Variants in SNRNP27 observed in about 807,000 individuals in gnomAD.
SNRNP27 encodes small nuclear ribonucleoprotein U4/U6.U5 subunit 27.
A neutral mutation model predicts 25.1 loss-of-function variants in SNRNP27; 22 were observed. That is an observed-to-expected ratio of 0.88 (90% CI 0.63 to 1.25). The LOEUF is 1.25. Ranked by LOEUF, SNRNP27 falls within the 50% of genes most tolerant of loss-of-function variation. The probability of loss-of-function intolerance (pLI) is 0.00; values close to 1 mark genes in which losing one functional copy is unlikely to be tolerated. For synonymous variants in SNRNP27, 66 were observed against 64.9 expected, an observed-to-expected ratio of 1.02 and a Z score of -0.08; for missense variants, 150 against 202.3, an observed-to-expected ratio of 0.74 and a Z score of 1.57.
At chr2:69,896,332 G>T in intron 2 of SNRNP27, 104 bp from the exon 3 acceptor site, 1 of 1,093,576 alleles carries the variant, frequency 9.1e-7, no homozygotes. Context: ...TTGCTATACG[G>T]AATGACTCGT....
rs1466186589 is a variant in SNRNP27 at position 69,896,453 on chromosome 2, G to A, written c.173G>A (p.Arg58Lys). 5.0e-6 allele frequency: 8 copies of A among 1,612,056 alleles called. No individual in the cohort carries two copies. The highest frequency in any genetic ancestry group is 6.8e-6 in the Non-Finnish European group (8 of 1,179,168). Residue 58 changes from arginine to lysine, a missense_variant, in exon 3 of 6, where the codon AGA (arginine) becomes AAA (lysine). Physicochemically the swap from Arg to Lys is conservative, Grantham distance 26. Around this residue, in one of 2 missense-constraint regions of SNRNP27, gnomAD observed 142 missense variants for 168.6 expected, o/e 0.84. Transcript: ENST00000244227. ...RRRSRSPRRH[R>K]STSPSPSRLK... ...AATATTAGATCTCCAAGACGACATAGATCCACATCTCCTTCCCCTTCTCGA... is the reference window on the plus strand; with the variant it reads ...AATATTAGATCTCCAAGACGACATAAATCCACATCTCCTTCCCCTTCTCGA...
Position 69,904,647 on chromosome 2 carries a change from A to C in SNRNP27, c.*339A>C. 2.3e-6 allele frequency: 1 copy of C among 439,540 alleles called. No individual in the cohort carries two copies. The highest frequency in any genetic ancestry group is 4.0e-6 in the Non-Finnish European group (1 of 251,214). 27.2% of individuals were successfully genotyped at this position (439,540 alleles called of 1,614,324 possible). A position where few individuals can be genotyped will look rare whatever the true frequency, so the allele number is the denominator to read the frequency against. On this transcript the variant is annotated 3_prime_UTR_variant, in exon 6 of 6. Transcript: ENST00000244227. ...AGTAATTTGGAAGTAAGTTTATCCA[A>C]TAAAGCAGTATTTCTACCCTTTTAG...
rs1472744458 is a variant in SNRNP27, at chr2:69,901,245, T to C, written c.349-1936T>C. ...GGCACAGTTAACATTTTTCAGCAGTTAGAGAAGAGGGCACTTCCTGGCACC... is the reference window on the plus strand; with the variant it reads ...GGCACAGTTAACATTTTTCAGCAGTCAGAGAAGAGGGCACTTCCTGGCACC... On this transcript the variant is annotated intron_variant, in intron 4 of 5. Coordinates refer to ENST00000244227, the MANE Select transcript of SNRNP27 (RefSeq NM_006857.3). Among the ~76,000 whole-genome samples, 3 of 151,894 alleles carry C rather than the reference T, an allele frequency of 2.0e-5. No homozygotes were observed. In the East Asian group the frequency reaches 5.8e-4, roughly 29 times the overall value.
chr2:69,895,273 G>A (rs2104112101), intron 2 of SNRNP27, 59 bp downstream of exon 2: 1 of 1,588,680 alleles, frequency 6.3e-7, no homozygotes, highest in Admixed American at 1.8e-5. Flanking sequence ...GAAACTGGTC[G>A]CAGCTCTTAA....
At chr2:69,895,626 C>CGCCTCCCCTGCAATCTCT (rs1676587551) in intron 2 of SNRNP27, among the ~76,000 whole-genome samples, 1 of 152,144 alleles carries the variant, frequency 6.6e-6, no homozygotes, top group Admixed American at 6.5e-5. Context: ...CTGCAACCTC[C>CGCCTCCCCTGCAATCTCT]GCCTCCCCTG....
rs1676551135 is a variant in SNRNP27, at chr2:69,893,963, T to C, written c.-22T>C. 1 of 1,613,792 alleles carries C rather than the reference T, an allele frequency of 6.2e-7. No individual in the cohort carries two copies. Among genetic ancestry groups the C allele is most frequent in the Non-Finnish European group, 8.5e-7 (1 of 1,179,730 alleles). On this transcript the variant is annotated 5_prime_UTR_variant, in exon 1 of 6. Coordinates refer to ENST00000244227, the MANE Select transcript of SNRNP27 (RefSeq NM_006857.3). ...CCTCCCGGAAGTTGTTGCACAGTTG[T>C]TTCCGGGAAGCGGGACTCCAAATGG...
Position 69,895,196 on chromosome 2 carries a change from C to CG in SNRNP27, c.138dup (p.His47AlafsTer12), listed in dbSNP as rs1676578650. ...CGGAGAAGGAGCCGCTCGCGATCCCCGCACCGAAGACGCTCCCGGTAAGGG... is the reference window on the plus strand; with the variant it reads ...CGGAGAAGGAGCCGCTCGCGATCCCCGGCACCGAAGACGCTCCCGGTAAGGG... On this transcript the variant is annotated frameshift_variant, in exon 2 of 6. Transcript: ENST00000244227. LOFTEE classifies it high-confidence loss of function. The CG allele has an allele frequency of 6.2e-7, 1 of 1,613,956 alleles. No individual in the cohort carries two copies. Among genetic ancestry groups the CG allele is most frequent in the African/African-American group, 1.3e-5 (1 of 74,930 alleles).
intron 4 of SNRNP27, among the ~76,000 whole-genome samples, chr2:69,902,462 C>T (rs887383657): frequency 1.3e-5 from 2 of 151,912 alleles, no homozygotes; most frequent in Non-Finnish European, 2.9e-5. Flanking sequence ...GCTTCTTCTT[C>T]GGCTTCTGCT....
At chr2:69,900,228 T>C (rs181289719) in intron 4 of SNRNP27, among the ~76,000 whole-genome samples, 2 of 152,344 alleles carry the variant, frequency 1.3e-5, no homozygotes, top group Non-Finnish European at 2.9e-5. Flanking sequence ...CTAGATGGTT[T>C]CAAAGTTTGG....
Position 69,904,726 on chromosome 2 carries a change from T to C in SNRNP27, c.*418T>C, listed in dbSNP as rs1014168874. 1 of 211,012 alleles carries C rather than the reference T, an allele frequency of 4.7e-6. No individual in the cohort carries two copies. The highest frequency in any genetic ancestry group is 9.3e-6 in the Non-Finnish European group (1 of 107,262). 13.1% of individuals were successfully genotyped at this position (211,012 alleles called of 1,614,324 possible). On this transcript the variant is annotated 3_prime_UTR_variant, in exon 6 of 6. Coordinates refer to ENST00000244227, the MANE Select transcript of SNRNP27 (RefSeq NM_006857.3). Reference sequence around the variant, plus strand: ...ATCTCCCCAGACATTTTCTTTTTTTTTTCACACATAGATTTAAGTATCTTG... The same window carrying C: ...ATCTCCCCAGACATTTTCTTTTTTTCTTCACACATAGATTTAAGTATCTTG...
chr2:69,900,674 G>A (rs1396273561), intron 4 of SNRNP27, among the ~76,000 whole-genome samples: 3 of 152,160 alleles, frequency 2.0e-5, no homozygotes, highest in Non-Finnish European at 2.9e-5. Context: ...AGTAGTAATG[G>A]GAGAGGGAGG....
chr2:69,897,385 T>G lies in SNRNP27; in HGVS notation c.277T>G (p.Leu93Val), dbSNP rs1410621134. The stretch of plus-strand genomic sequence containing the variant: ...ATTATTCTTTTTTGCAGAGGAAGAC[T>G]TAGAGGGCAAAACAGAGGAAGAAAT... The part of the protein sequence containing the change: ...SKERQITEED[L>V]EGKTEEEIEM... The change falls in exon 4 of 6, where the codon TTA (leucine) becomes GTA (valine). Residue 93 changes from leucine (L) to valine (V), a missense_variant. By Grantham distance (32) the Leu-to-Val change is conservative. Transcript: ENST00000244227. 1.2e-6 allele frequency: 2 copies of G among 1,612,082 alleles called. No homozygotes were observed. The highest frequency in any genetic ancestry group is 8.5e-7 in the Non-Finnish European group (1 of 1,178,984).
intron 1 of SNRNP27, among the ~76,000 whole-genome samples, chr2:69,894,663 G>GT (rs113333621): frequency 1.5e-3 from 221 of 148,772 alleles, no homozygotes; most frequent in African/African-American, 4.0e-3. Flanking sequence ...CCCCTGATTC[G>GT]TTTTTTTTTT....
At chr2:69,901,001 C>T (rs1676684274) in intron 4 of SNRNP27, among the ~76,000 whole-genome samples, 1 of 151,980 alleles carries the variant, frequency 6.6e-6, no homozygotes. Flanking sequence ...TGATGAAACC[C>T]CATGTCTACT....
At position 69,901,172 on chromosome 2, in the gene SNRNP27, C is replaced by CAA. The variant is rs944057272; in HGVS notation, c.349-1998_349-1997dup. ...CTAGTGGCAGAGCAAGTCTCCATTT[C>CAA]AAAAAAAAAAAAGAAAGAAAGAAAG... On this transcript the variant is annotated intron_variant, in intron 4 of 5. Coordinates refer to ENST00000244227, the MANE Select transcript of SNRNP27 (RefSeq NM_006857.3). 3.5e-5 allele frequency among the ~76,000 whole-genome samples: 4 copies of CAA among 112,702 alleles called. No homozygotes were observed. In the South Asian group the frequency reaches 1.1e-3, roughly 30 times the overall value. 73.9% of individuals were successfully genotyped at this position (112,702 alleles called of 152,430 possible).
chr2:69,897,355 A>G (rs1201078186), intron 3 of SNRNP27, 22 bp from the exon 4 acceptor site: 1 of 1,552,022 alleles, frequency 6.4e-7, no homozygotes, highest in African/African-American at 1.4e-5. Context: ...TAGAGAGGTC[A>G]CAAAATTATT....
chr2:69,900,947 C>T (rs370128452), intron 4 of SNRNP27, among the ~76,000 whole-genome samples: 1 of 151,992 alleles, frequency 6.6e-6, no homozygotes, highest in Admixed American at 6.6e-5. Flanking sequence ...GAGGCCGAGG[C>T]GGGGGATCAC....
intron 4 of SNRNP27, among the ~76,000 whole-genome samples, chr2:69,898,613 G>A (rs1212336264): frequency 1.3e-5 from 2 of 152,182 alleles, no homozygotes; most frequent in East Asian, 3.8e-4. Context: ...GTTGCTAATG[G>A]AATGGGGTAA....
Position 69,904,413 on chromosome 2 carries a change from C to T in SNRNP27, c.*105C>T, listed in dbSNP as rs114879649. On this transcript the variant is annotated 3_prime_UTR_variant, in exon 6 of 6. Coordinates refer to ENST00000244227, the MANE Select transcript of SNRNP27 (RefSeq NM_006857.3). ...ATTCAAAAAACAGGATCTCAGTTCT[C>T]CTTTCTTGTAAAGTAAGAAAATCTT... The T allele has an allele frequency of 1.7e-3, 1,480 of 874,086 alleles. 15 individuals carry two copies. In the African/African-American group the frequency reaches 0.022, roughly 13 times the overall value. 54.1% of individuals were successfully genotyped at this position (874,086 alleles called of 1,614,324 possible).
Sources: allele counts gnomAD v4.1 joint callset (sites outside exome capture counted in the v4.1 genomes callset), GRCh38; gene constraint gnomAD v4.1.1; regional missense constraint gnomAD v4.1.1; transcripts MANE v1.5; gene names NCBI Gene and HGNC (gene_info 2026-07-23, HGNC 2026-07-21).